The following MACROD2 variants were observed in gnomAD, a reference collection of about 807,000 sequenced individuals.
The protein encoded by MACROD2 is mono-ADP ribosylhydrolase 2.
A neutral mutation model predicts 70.4 loss-of-function variants in MACROD2; 36 were observed. The observed-to-expected ratio is 0.51, with a 90% CI of 0.39 to 0.68. The LOEUF is 0.68. MACROD2 is among the 30% of genes least tolerant of loss of function. MACROD2 has a pLI of 0.00. For missense variants in MACROD2, 496 were observed against 538.4 expected (o/e 0.92, Z 0.78); for synonymous variants, 172 against 178.8 (o/e 0.96, Z 0.30).
At chr20:15,656,962 G>A (rs1263065127) in intron 8 of MACROD2, among the ~76,000 whole-genome samples, 4 of 151,986 alleles carry the variant, frequency 2.6e-5, no homozygotes, top group African/African-American at 7.3e-5. Context: ...AAATAAAGAT[G>A]TTTCCAATTT....
intron 5 of MACROD2, among the ~76,000 whole-genome samples, chr20:14,841,064 T>C (rs2073082045): frequency 6.6e-6 from 1 of 152,162 alleles, no homozygotes; most frequent in African/African-American, 2.4e-5. Context: ...CATATTTTAA[T>C]GTTAAATTTT....
rs191610824 is a variant in MACROD2, at chr20:14,630,938, T to C, written c.302-53905T>C. On this transcript the variant is annotated intron_variant, in intron 4 of 17. Coordinates refer to ENST00000684519, the MANE Select transcript of MACROD2 (RefSeq NM_001351661.2). Reference sequence around the variant, plus strand: ...TACATTTTGCCACTCAACAAGAACATAATTCACTTACAGAATTATTTTTGT... The same window carrying C: ...TACATTTTGCCACTCAACAAGAACACAATTCACTTACAGAATTATTTTTGT... Among the ~76,000 whole-genome samples the C allele has an allele frequency of 2.7e-3, 404 of 152,276 alleles. 1 individual carries two copies. Among genetic ancestry groups the C allele is most frequent in the Non-Finnish European group, 3.6e-3 (248 of 68,022 alleles).
intron 3 of MACROD2, among the ~76,000 whole-genome samples, chr20:14,092,159 A>T (rs2054158262): frequency 6.6e-6 from 1 of 152,156 alleles, no homozygotes; most frequent in Non-Finnish European, 1.5e-5. Context: ...GTTAATAGCT[A>T]ATCATGTTTT....
chr20:14,941,579 T>C (rs1265127940), intron 5 of MACROD2, among the ~76,000 whole-genome samples: 1 of 152,058 alleles, frequency 6.6e-6, no homozygotes, highest in Non-Finnish European at 1.5e-5. Flanking sequence ...ATCTTGGAGT[T>C]TTTTCACTTC....
chr20:15,735,308 C>T (rs900308243), intron 8 of MACROD2, among the ~76,000 whole-genome samples: 3 of 152,010 alleles, frequency 2.0e-5, no homozygotes, highest in African/African-American at 7.2e-5. Flanking sequence ...CATGATGTCA[C>T]CACTAGTGGT....
chr20:14,744,682 C>A (rs1835330853), intron 5 of MACROD2, among the ~76,000 whole-genome samples: 1 of 152,124 alleles, frequency 6.6e-6, no homozygotes, highest in Non-Finnish European at 1.5e-5. Flanking sequence ...ATGGCTCAAG[C>A]AAAGGCTTAA....
At chr20:14,216,841 T>C (rs2081627247) in intron 3 of MACROD2, among the ~76,000 whole-genome samples, 1 of 152,174 alleles carries the variant, frequency 6.6e-6, no homozygotes, top group South Asian at 2.1e-4. Context: ...GAGCTACTGA[T>C]TTGTGTACAT....
intron 7 of MACROD2, among the ~76,000 whole-genome samples, chr20:15,476,964 C>A (rs2047029791): frequency 6.6e-6 from 1 of 152,126 alleles, no homozygotes; most frequent in Non-Finnish European, 1.5e-5. Flanking sequence ...CAACAATATG[C>A]CCATTCTTTG....
At chr20:14,422,383 TG>T (rs2083884696) in intron 3 of MACROD2, among the ~76,000 whole-genome samples, 2 of 152,220 alleles carry the variant, frequency 1.3e-5, no homozygotes, top group Non-Finnish European at 2.9e-5. Flanking sequence ...TTCTGTGCTT[TG>T]GAGATTTTAA....
chr20:15,960,633 G>A (rs1399159278), intron 12 of MACROD2, among the ~76,000 whole-genome samples: 1 of 152,148 alleles, frequency 6.6e-6, no homozygotes, highest in African/African-American at 2.4e-5. Context: ...ACTGCTGAGG[G>A]AAACTGAGAC....
chr20:15,489,019 C>G (rs2047195691), intron 7 of MACROD2, among the ~76,000 whole-genome samples: 1 of 152,196 alleles, frequency 6.6e-6, no homozygotes, highest in South Asian at 2.1e-4. Context: ...GCTGATGAAG[C>G]TTGCATAGAT....
intron 7 of MACROD2, among the ~76,000 whole-genome samples, chr20:15,475,984 G>A (rs955036503): frequency 5.9e-5 from 9 of 152,174 alleles, no homozygotes; most frequent in Non-Finnish European, 1.0e-4. Flanking sequence ...AACCATAGGC[G>A]AACAAAGAAA....
intron 4 of MACROD2, among the ~76,000 whole-genome samples, chr20:14,641,156 G>C (rs1350943607): frequency 6.6e-6 from 1 of 152,090 alleles, no homozygotes; most frequent in Non-Finnish European, 1.5e-5. Context: ...ATCTTCACCA[G>C]GTATAGTTTC....
chr20:15,021,291 T>C (rs546256106), intron 5 of MACROD2, among the ~76,000 whole-genome samples: 4 of 137,840 alleles, frequency 2.9e-5, no homozygotes, highest in East Asian at 2.4e-4. Flanking sequence ...CACCTGTGTG[T>C]GTGTATATGC....
intron 8 of MACROD2, among the ~76,000 whole-genome samples, chr20:15,586,820 G>A (rs2048608961): frequency 2.0e-5 from 3 of 151,974 alleles, no homozygotes; most frequent in Admixed American, 6.6e-5. Context: ...ATATATAGTG[G>A]AAACAGAAGC....
chr20:15,325,012 T>A (rs988408905), intron 6 of MACROD2, among the ~76,000 whole-genome samples: 1 of 141,622 alleles, frequency 7.1e-6, no homozygotes, highest in Non-Finnish European at 1.6e-5. Context: ...AAAGTGTTCA[T>A]CTTTGGACTT....
rs1276605508 is a variant in MACROD2, at chr20:14,052,755, TC to T, written c.164-32865del. ...ATTTCTCAGAGGTTTTCTAAGAAATTCTTTTATTTGAAGTTTTAGAAACACT... is the reference window on the plus strand; with the variant it reads ...ATTTCTCAGAGGTTTTCTAAGAAATTTTTTATTTGAAGTTTTAGAAACACT... On this transcript the variant is annotated intron_variant, in intron 2 of 17. Coordinates refer to ENST00000684519, the MANE Select transcript of MACROD2 (RefSeq NM_001351661.2). Among the ~76,000 whole-genome samples the T allele has an allele frequency of 2.6e-5, 4 of 152,132 alleles. No individual in the cohort carries two copies. The East Asian group carries it at 5.8e-4, about 22-fold the overall frequency.
intron 3 of MACROD2, chr20:14,086,174 A>G (rs1301588224): frequency 5.4e-6 from 2 of 369,888 alleles, no homozygotes; most frequent in East Asian, 7.4e-5. Flanking sequence ...CAGTTATTTC[A>G]AAACTTAAGT....
At chr20:14,784,131 C>T (rs1156550007) in intron 5 of MACROD2, among the ~76,000 whole-genome samples, 6 of 152,092 alleles carry the variant, frequency 3.9e-5, no homozygotes, top group African/African-American at 9.7e-5. Context: ...AATCACATTG[C>T]GTAGACTGGA....
Sources: allele counts gnomAD v4.1 joint callset (sites outside exome capture counted in the v4.1 genomes callset), GRCh38; gene constraint gnomAD v4.1.1; transcripts MANE v1.5; gene names NCBI Gene and HGNC (gene_info 2026-07-23, HGNC 2026-07-21).